Variants in CTNNA3 observed in about 807,000 individuals in gnomAD.
CTNNA3 encodes the protein catenin alpha 3, also known as catenin alpha-3.
A neutral mutation model predicts 95.7 loss-of-function variants in CTNNA3; 76 were observed. The observed-to-expected ratio is 0.79, with a 90% CI of 0.66 to 0.96. The LOEUF is 0.96. Ranked by LOEUF, CTNNA3 falls within the 40% of genes least tolerant of loss-of-function variation. The pLI, the probability that CTNNA3 is intolerant of heterozygous loss-of-function variation, is 0.00. For synonymous variants in CTNNA3, 431 were observed against 374.4 expected, an observed-to-expected ratio of 1.15 and a Z score of -1.74; for missense variants, 1,191 against 1,089.8, an observed-to-expected ratio of 1.09 and a Z score of -1.31.
At chr10:66,947,561 T>C (rs1482525866) in intron 7 of CTNNA3, among the ~76,000 whole-genome samples, 1 of 152,116 alleles carries the variant, frequency 6.6e-6, no homozygotes, top group East Asian at 1.9e-4. Context: ...GCTGAAAATA[T>C]AAAAAAGCAT....
At chr10:66,281,413 A>T (rs2091489019) in intron 12 of CTNNA3, among the ~76,000 whole-genome samples, 1 of 151,892 alleles carries the variant, frequency 6.6e-6, no homozygotes, top group Non-Finnish European at 1.5e-5. Flanking sequence ...TCAAATCTTA[A>T]CCCCAGTATT....
At chr10:67,426,158 A>C (rs1028564228) in intron 5 of CTNNA3, among the ~76,000 whole-genome samples, 3 of 152,108 alleles carry the variant, frequency 2.0e-5, no homozygotes, top group African/African-American at 7.2e-5. Context: ...GCAGAAAATG[A>C]CCTTGAACTA....
intron 1 of CTNNA3, among the ~76,000 whole-genome samples, chr10:67,737,590 C>T (rs1841309804): frequency 1.3e-5 from 2 of 152,116 alleles, no homozygotes; most frequent in Non-Finnish European, 2.9e-5. Flanking sequence ...AAAAAGTGGG[C>T]AAAGGATATG....
intron 5 of CTNNA3, among the ~76,000 whole-genome samples, chr10:67,412,246 T>C (rs965628566): frequency 6.6e-6 from 1 of 152,182 alleles, no homozygotes; most frequent in Non-Finnish European, 1.5e-5. Context: ...GACCTAAGTC[T>C]GACTACATGC....
At chr10:67,690,739 G>C (rs1415425748) in intron 1 of CTNNA3, among the ~76,000 whole-genome samples, 1 of 152,204 alleles carries the variant, frequency 6.6e-6, no homozygotes, top group Non-Finnish European at 1.5e-5. Flanking sequence ...GGAGATAAAT[G>C]TTTATACAGT....
At chr10:66,862,235 A>G (rs1181622039) in intron 7 of CTNNA3, among the ~76,000 whole-genome samples, 1 of 152,058 alleles carries the variant, frequency 6.6e-6, no homozygotes, top group Admixed American at 6.6e-5. Flanking sequence ...AACAAAAAGA[A>G]GTTTGGTGAT....
At chr10:66,847,988 A>C (rs1322475316) in intron 7 of CTNNA3, among the ~76,000 whole-genome samples, 1 of 152,166 alleles carries the variant, frequency 6.6e-6, no homozygotes, top group Non-Finnish European at 1.5e-5. Context: ...TAAGGAGGCA[A>C]CACAAGCTGA....
At chr10:67,604,924 T>C (rs1409296985) in intron 3 of CTNNA3, among the ~76,000 whole-genome samples, 1 of 152,188 alleles carries the variant, frequency 6.6e-6, no homozygotes, top group Non-Finnish European at 1.5e-5. Context: ...CTATAAAATA[T>C]AAATTGTATA....
chr10:65,956,871 T>TG (rs2077741810), intron 17 of CTNNA3, among the ~76,000 whole-genome samples: 1 of 152,196 alleles, frequency 6.6e-6, no homozygotes, highest in African/African-American at 2.4e-5. Context: ...TCTATTGATT[T>TG]GGGGTGGAGA....
chr10:66,373,774 T>A (rs2132470329), intron 12 of CTNNA3, among the ~76,000 whole-genome samples: 1 of 152,326 alleles, frequency 6.6e-6, no homozygotes, highest in Admixed American at 6.5e-5. Flanking sequence ...CAAAATTAGG[T>A]TCAGTCAGAT....
chr10:66,650,507 T>A (rs1454493430), intron 9 of CTNNA3, among the ~76,000 whole-genome samples: 1 of 152,168 alleles, frequency 6.6e-6, no homozygotes, highest in Non-Finnish European at 1.5e-5. Flanking sequence ...AAACTCATGA[T>A]GTGTCCGGAA....
chr10:66,120,641 C>A (rs975968498), intron 13 of CTNNA3, among the ~76,000 whole-genome samples: 1 of 152,060 alleles, frequency 6.6e-6, no homozygotes, highest in African/African-American at 2.4e-5. Context: ...AGAACAGCTG[C>A]TAACACAATT....
chr10:66,196,687 G>A (rs1160256947), intron 13 of CTNNA3, among the ~76,000 whole-genome samples: 4 of 152,180 alleles, frequency 2.6e-5, no homozygotes, highest in Non-Finnish European at 5.9e-5. Context: ...AGTAAAGTAA[G>A]AATAGAATGG....
intron 12 of CTNNA3, among the ~76,000 whole-genome samples, chr10:66,329,249 C>A (rs1444872536): frequency 2.0e-5 from 3 of 151,738 alleles, no homozygotes; most frequent in Admixed American, 2.0e-4. Context: ...GGCGCCCAGC[C>A]AAAGAGGGAT....
At chr10:66,488,821 G>A (rs1172097677) in intron 11 of CTNNA3, among the ~76,000 whole-genome samples, 1 of 151,866 alleles carries the variant, frequency 6.6e-6, no homozygotes, top group African/African-American at 2.4e-5. Flanking sequence ...AAAGCCTAGA[G>A]CAAGGTAGGG....
intron 10 of CTNNA3, among the ~76,000 whole-genome samples, chr10:66,582,377 A>C (rs972263675): frequency 6.6e-6 from 1 of 151,502 alleles, no homozygotes; most frequent in Non-Finnish European, 1.5e-5. Context: ...AGTATGTTCT[A>C]GCATATTTTA....
chr10:67,224,949 T>C (rs1306851303), intron 5 of CTNNA3, among the ~76,000 whole-genome samples: 2 of 152,128 alleles, frequency 1.3e-5, no homozygotes, highest in Non-Finnish European at 2.9e-5. Flanking sequence ...GCCGTTTTCA[T>C]TTGAAGGTGG....
intron 13 of CTNNA3, among the ~76,000 whole-genome samples, chr10:66,137,419 G>T (rs1204212633): frequency 6.6e-6 from 1 of 151,994 alleles, no homozygotes; most frequent in African/African-American, 2.4e-5. Flanking sequence ...GACTGTTCTG[G>T]ATTAAAGAAA....
chr10:66,361,954 G>A (rs540129142), intron 12 of CTNNA3, among the ~76,000 whole-genome samples: 1 of 152,100 alleles, frequency 6.6e-6, no homozygotes, highest in African/African-American at 2.4e-5. Context: ...TGCATTGAGA[G>A]AATACTTTTG....
Sources: gnomAD v4.1 joint callset for allele counts (sites outside exome capture counted in the v4.1 genomes callset) on GRCh38, gnomAD v4.1.1 for gene constraint, MANE v1.5 for transcripts, NCBI Gene and HGNC (gene_info 2026-07-23, HGNC 2026-07-21) for gene names.